Variants in AP2A1 observed in about 807,000 individuals in gnomAD.
AP2A1 encodes the protein adaptor related protein complex 2 subunit alpha 1, also known as AP-2 complex subunit alpha-1.
AP2A1 carries 21 observed loss-of-function variants against 107.3 expected under a neutral mutation model. That is an observed-to-expected ratio of 0.20 (90% CI 0.14 to 0.28). The LOEUF (loss-of-function observed/expected upper bound fraction) is 0.28. Among genes scored for constraint, AP2A1 ranks in the 10% least tolerant of loss-of-function variants. The pLI is 1.00. For synonymous variants in AP2A1, 602 were observed against 564.8 expected, an observed-to-expected ratio of 1.07 and a Z score of -0.93; for missense variants, 873 against 1,307.7, an observed-to-expected ratio of 0.67 and a Z score of 5.13.
intron 1 of AP2A1, among the ~76,000 whole-genome samples, chr19:49,772,324 A>C (rs1177633963): frequency 1.7e-5 from 2 of 117,958 alleles, no homozygotes; most frequent in African/African-American, 3.4e-5. Flanking sequence ...CAGTGGCGCG[A>C]TCTCCGCTCA....
chr19:49,798,247 TG>T (rs1428193676), intron 7 of AP2A1, among the ~76,000 whole-genome samples: 2 of 152,176 alleles, frequency 1.3e-5, no homozygotes, highest in Admixed American at 1.3e-4. Flanking sequence ...TGGAGAGCTC[TG>T]GGGGGTGAGG....
At position 49,799,533 on chromosome 19, in the gene AP2A1, C is replaced by G. The variant is rs1288329613; in HGVS notation, c.1134+38C>G. On this transcript the variant is annotated intron_variant, in intron 9 of 22. Coordinates refer to ENST00000354293, the MANE Select transcript of AP2A1 (RefSeq NM_130787.3). ...GGAGCCCACCCCGGGCCTGCCACCC[C>G]CCTCAGAAAGACCAGAGGCTCAGAG... is the stretch of plus-strand genomic sequence containing the variant. 1.9e-6 allele frequency: 3 copies of G among 1,605,234 alleles called. No homozygotes were observed. The South Asian group carries it at 3.3e-5, about 18-fold the overall frequency.
In AP2A1 at chr19:49,803,561, G is replaced by A. The variant is rs1165846198; in HGVS notation, c.2344+185G>A. The A allele has an allele frequency of 8.0e-6, 5 of 623,102 alleles. No homozygotes were observed. The African/African-American group carries it at 9.1e-5, about 11-fold the overall frequency. 38.6% of individuals were successfully genotyped at this position (623,102 alleles called of 1,614,324 possible). On this transcript the variant is annotated intron_variant, in intron 18 of 22. Coordinates refer to ENST00000354293, the MANE Select transcript of AP2A1 (RefSeq NM_130787.3). Reference sequence around the variant, plus strand: ...GATTCCTTCCCCCAGGACAGGGGATGACAGTGAAGTGGTGTGTGGGAGGCT... The same window carrying A: ...GATTCCTTCCCCCAGGACAGGGGATAACAGTGAAGTGGTGTGTGGGAGGCT...
intron 1 of AP2A1, among the ~76,000 whole-genome samples, chr19:49,781,431 G>C (rs1317208277): frequency 6.6e-6 from 1 of 152,112 alleles, no homozygotes; most frequent in Non-Finnish European, 1.5e-5. Flanking sequence ...CATCGCATGT[G>C]GGGAGTGGGG....
At chr19:49,779,506 A>AAC in intron 1 of AP2A1, among the ~76,000 whole-genome samples, 1 of 151,442 alleles carries the variant, frequency 6.6e-6, no homozygotes, top group East Asian at 1.9e-4. Flanking sequence ...AAAAAAAAAA[A>AAC]AAAAACAGAA....
rs541174146 is a variant in AP2A1 at position 49,801,892 on chromosome 19, G to A, written c.1953+3G>A. ...TGGAGCCCACCCCCAGCACTGTGGTGAGTCCCCTGGGGTGGGCCCTGCCAG... is the reference window on the plus strand; with the variant it reads ...TGGAGCCCACCCCCAGCACTGTGGTAAGTCCCCTGGGGTGGGCCCTGCCAG... On this transcript the variant is annotated splice_donor_region_variant and intron_variant, in intron 14 of 22. Transcript: ENST00000354293. 5 of 1,477,438 alleles carry A rather than the reference G, an allele frequency of 3.4e-6. No individual in the cohort carries two copies. The highest frequency in any genetic ancestry group is 3.6e-6 in the Non-Finnish European group (4 of 1,118,124). The allele number at this position is 1,477,438 out of a possible 1,614,324, so 91.5% of individuals were successfully genotyped here.
intron 1 of AP2A1, among the ~76,000 whole-genome samples, chr19:49,774,995 G>A (rs150138048): frequency 0.016 from 2,379 of 151,774 alleles, 56 homozygotes; most frequent in African/African-American, 0.055. Flanking sequence ...GGGCCGAGGC[G>A]GGCAGTTTGG....
intron 15 of AP2A1, 79 bp from the exon 16 acceptor site, chr19:49,802,870 G>GC: frequency 6.7e-7 from 1 of 1,491,634 alleles, no homozygotes; most frequent in South Asian, 1.2e-5. Context: ...CTTAGGGCTT[G>GC]TTCTCGCACT....
intron 1 of AP2A1, among the ~76,000 whole-genome samples, 186 bp downstream of exon 1, chr19:49,767,386 C>T (rs2084513629): frequency 6.6e-6 from 1 of 151,914 alleles, no homozygotes; most frequent in Admixed American, 6.6e-5. Context: ...TCATAGAGTG[C>T]CTCTTGAGGT....
rs147959530 is a variant in AP2A1, at chr19:49,805,616, G to A, written c.2468+40G>A. On this transcript the variant is annotated intron_variant, in intron 19 of 22. Coordinates refer to ENST00000354293, the MANE Select transcript of AP2A1 (RefSeq NM_130787.3). ...GCGCGGCCGGTGGGCGGAGCCTCCG[G>A]GGTGAGGGGCGGGGCCTAATGGAGC... The A allele has an allele frequency of 0.086, 133,881 of 1,555,422 alleles. 6,468 individuals carry two copies. Among genetic ancestry groups the A allele is most frequent in the Non-Finnish European group, 0.094 (108,334 of 1,149,190 alleles).
In AP2A1 at chr19:49,802,041, C is replaced by T. The variant is rs1332394752; in HGVS notation, c.2014C>T (p.Pro672Ser). 1.9e-6 allele frequency: 3 copies of T among 1,575,772 alleles called. No individual in the cohort carries two copies. Among genetic ancestry groups the T allele is most frequent in the Admixed American group, 3.6e-5 (2 of 55,966 alleles). The change falls in exon 15 of 23, where the codon CCC becomes TCC. Residue 672 changes from proline (P) to serine (S), a missense_variant. Physicochemically the swap from Pro to Ser is moderately conservative, Grantham distance 74 (BLOSUM62 -1). Transcript: ENST00000354293. ...GLRAAPPPAA[P>S]PASAGAGNLL... ...GCGGGCAGCCCCTCCCCCGGCAGCA[C>T]CCCCGGCTTCTGCAGGAGCAGGGAA...
Position 49,802,131 on chromosome 19 carries a change from G to C in AP2A1, c.2104G>C (p.Ala702Pro), listed in dbSNP as rs1235200504. ...CAGCCTGGGGCCCACCCCCGAGGAGGCCTTCCTCAGGTAGCACCCCCTGGG... is the reference window on the plus strand; with the variant it reads ...CAGCCTGGGGCCCACCCCCGAGGAGCCCTTCCTCAGGTAGCACCCCCTGGG... The part of the protein sequence containing the change: ...QPSLGPTPEE[A>P]FLSPGPEDIG... The change falls in exon 15 of 23, where the codon GCC becomes CCC. Residue 702 changes from alanine to proline, a missense_variant. Ala to Pro is a conservative substitution (Grantham distance 27). Coordinates refer to ENST00000354293, the MANE Select transcript of AP2A1 (RefSeq NM_130787.3). The C allele has an allele frequency of 6.4e-7, 1 of 1,568,028 alleles. No homozygotes were observed. The highest frequency in any genetic ancestry group is 8.6e-7 in the Non-Finnish European group (1 of 1,163,760).
chr19:49,777,807 A>G, intron 1 of AP2A1, among the ~76,000 whole-genome samples: 1 of 141,760 alleles, frequency 7.1e-6, no homozygotes, highest in East Asian at 2.1e-4. Flanking sequence ...CGCACCTCAC[A>G]GTCCCAGCTA....
chr19:49,780,329 C>T (rs879563991), intron 1 of AP2A1, among the ~76,000 whole-genome samples: 16 of 152,196 alleles, frequency 1.1e-4, no homozygotes, highest in South Asian at 2.1e-4. Flanking sequence ...TGAAACGGAA[C>T]GGCCTTTCAG....
intron 1 of AP2A1, among the ~76,000 whole-genome samples, chr19:49,774,617 G>C (rs2084598411): frequency 6.6e-6 from 1 of 151,316 alleles, no homozygotes. Context: ...AAATTTTCTT[G>C]CCACATTGCA....
intron 4 of AP2A1, among the ~76,000 whole-genome samples, chr19:49,787,354 GTTTTTTT>G (rs1175245045): frequency 1.1e-5 from 1 of 94,516 alleles, no homozygotes; most frequent in African/African-American, 4.3e-5. Flanking sequence ...TTTGTTTTTT[GTTTTTTT>G]TTTTTTGAGG....
chr19:49,774,533 T>C (rs555925529), intron 1 of AP2A1, among the ~76,000 whole-genome samples: 106 of 152,224 alleles, frequency 7.0e-4, no homozygotes, highest in South Asian at 6.6e-3. Context: ...GCAAGCCATA[T>C]ATATGTTGAA....
chr19:49,772,258 T>TTTTGTTTTG (rs1568573046), intron 1 of AP2A1, among the ~76,000 whole-genome samples: 4 of 104,706 alleles, frequency 3.8e-5, no homozygotes, highest in African/African-American at 1.3e-4. Context: ...TTTTTTTTTT[T>TTTTGTTTTG]TTTTTTTTTT....
chr19:49,802,534 C>A, intron 15 of AP2A1: 2 of 1,605,032 alleles, frequency 1.2e-6, no homozygotes. Context: ...GATGGCTCAG[C>A]GAGCTGGAGC....
Sources: gnomAD v4.1 joint callset for allele counts (sites outside exome capture counted in the v4.1 genomes callset) on GRCh38, gnomAD v4.1.1 for gene constraint, MANE v1.5 for transcripts, NCBI Gene and HGNC (gene_info 2026-07-23, HGNC 2026-07-21) for gene names.